LRRC74B: variants seen among roughly 807,000 people sequenced by gnomAD.
LRRC74B encodes leucine-rich repeat-containing protein 74B.
A neutral mutation model predicts 16.6 loss-of-function variants in LRRC74B; 30 were observed. The ratio of observed to expected loss-of-function variants is 1.80; its 90% CI spans 1.35 to 2.45. LRRC74B has a LOEUF of 2.45. LRRC74B is among the 30% of genes most tolerant of loss of function. The pLI, the probability that LRRC74B is intolerant of heterozygous loss-of-function variation, is 0.00. For missense variants in LRRC74B, 326 were observed against 202.4 expected (o/e 1.61, Z -3.71); for synonymous variants, 134 against 86.0 (o/e 1.56, Z -3.09).
At chr22:21,053,366 A>G (rs771679602) in exon 6 of LRRC74B, 140 of 716,676 alleles carry the variant, frequency 2.0e-4, no homozygotes, top group Middle Eastern at 2.3e-4. Flanking sequence ...CTAGGCAAAC[A>G]TCTTCCTTAA....
chr22:21,057,971 C>T (rs1281807716), intron 8 of LRRC74B, among the ~76,000 whole-genome samples: 1 of 151,260 alleles, frequency 6.6e-6, no homozygotes, highest in African/African-American at 2.4e-5. Context: ...CTGCAACTTC[C>T]GGCTCCCAGA....
At chr22:21,062,755 C>T (rs1930870807), downstream of LRRC74B, 1 of 148,540 alleles carries the variant, frequency 6.7e-6, no homozygotes, top group Non-Finnish European at 1.5e-5. Context: ...AGGCTCAGCG[C>T]ACTGGCACAT....
intron 8 of LRRC74B, among the ~76,000 whole-genome samples, chr22:21,058,922 C>T (rs1405280991): frequency 6.6e-6 from 1 of 152,154 alleles, no homozygotes; most frequent in Non-Finnish European, 1.5e-5. Flanking sequence ...AGATCCTGGA[C>T]AAGATTCTGA....
intron 1 of LRRC74B, among the ~76,000 whole-genome samples, chr22:21,047,093 G>GAA (rs57891306): frequency 1.5e-5 from 2 of 136,620 alleles, no homozygotes; most frequent in African/African-American, 5.3e-5. Flanking sequence ...AGTCTGTCTC[G>GAA]AAAAAAAAAA....
At position 21,056,901 on chromosome 22, in the gene LRRC74B, A is replaced by T. The variant is rs1930563646; in HGVS notation, c.928-204A>T. ...TGTCTTGTGTGTCTATATCAATCGG[A>T]GGCCTCTCCCTTCCTTTCTTCCCTG... On this transcript the variant is annotated intron_variant, in intron 7 of 8. Coordinates refer to ENST00000442047, the Ensembl canonical transcript of LRRC74B. 7.0e-6 allele frequency: 4 copies of T among 575,404 alleles called. No homozygotes were observed. The South Asian group carries it at 8.7e-5, about 12-fold the overall frequency. The allele number at this position is 575,404 out of a possible 1,614,324, so 35.6% of individuals were successfully genotyped here.
downstream of LRRC74B, among the ~76,000 whole-genome samples, chr22:21,061,144 A>G (rs1001016582): frequency 1.3e-5 from 2 of 152,190 alleles, no homozygotes; most frequent in Non-Finnish European, 2.9e-5. Flanking sequence ...CTTGACAAAC[A>G]TGGTGAAACC....
intron 4 of LRRC74B, among the ~76,000 whole-genome samples, chr22:21,050,932 C>T (rs190554338): frequency 1.1e-5 from 1 of 92,994 alleles, no homozygotes; most frequent in African/African-American, 4.3e-5. Flanking sequence ...GTGGTGACAA[C>T]AAATGATTAA....
intron 3 of LRRC74B, 41 bp from the exon 4 acceptor site, chr22:21,048,910 G>A (rs2148137182): frequency 1.4e-6 from 1 of 708,662 alleles, no homozygotes; most frequent in South Asian, 1.5e-5. Flanking sequence ...GGAGTGCCTG[G>A]CTTTGCATCC....
intron 4 of LRRC74B, among the ~76,000 whole-genome samples, chr22:21,050,274 A>G (rs1186391293): frequency 6.6e-6 from 1 of 151,732 alleles, no homozygotes; most frequent in Non-Finnish European, 1.5e-5. Context: ...TGACCTTGTG[A>G]TCCGCCCGCC....
At chr22:21,050,426 A>G (rs1929918851) in intron 4 of LRRC74B, among the ~76,000 whole-genome samples, 1 of 152,166 alleles carries the variant, frequency 6.6e-6, no homozygotes, top group Non-Finnish European at 1.5e-5. Flanking sequence ...TGCCTCTGGC[A>G]TATAACTGCC....
chr22:21,047,211 G>C, intron 1 of LRRC74B, 145 bp from the exon 2 acceptor site: 2 of 594,838 alleles, frequency 3.4e-6, no homozygotes, highest in Admixed American at 6.2e-5. Flanking sequence ...GTCCTCATCT[G>C]TCATATGGGA....
At chr22:21,047,551 C>T in intron 2 of LRRC74B, 53 bp downstream of exon 2, 1 of 705,854 alleles carries the variant, frequency 1.4e-6, no homozygotes, top group Non-Finnish European at 2.6e-6. Flanking sequence ...CCTCGGGAGA[C>T]AGCAGCCATG....
intron 4 of LRRC74B, among the ~76,000 whole-genome samples, chr22:21,051,259 C>T (rs1449027826): frequency 6.6e-6 from 1 of 152,188 alleles, no homozygotes; most frequent in Non-Finnish European, 1.5e-5. Flanking sequence ...TCTGCAGGCG[C>T]TTTCTTGTGT....
At chr22:21,049,850 C>T (rs895924694) in intron 4 of LRRC74B, among the ~76,000 whole-genome samples, 13 of 152,048 alleles carry the variant, frequency 8.5e-5, no homozygotes, top group African/African-American at 3.1e-4. Context: ...TGAGCATATT[C>T]AGGAGCTGTC....
chr22:21,062,079 A>C (rs1024417545), downstream of LRRC74B: 5 of 152,256 alleles, frequency 3.3e-5, no homozygotes, highest in Non-Finnish European at 5.9e-5. Context: ...ACTAGAAAAC[A>C]TGGCGCTAAG....
At chr22:21,060,468 G>T (rs1320162889) in exon 9 of LRRC74B, 2 of 716,682 alleles carry the variant, frequency 2.8e-6, no homozygotes, top group East Asian at 5.4e-5. Context: ...GCAGAGTGGA[G>T]TATAAAAAGG....
chr22:21,049,030 G>T, exon 4 of LRRC74B: 1 of 716,000 alleles, frequency 1.4e-6, no homozygotes, highest in Non-Finnish European at 2.6e-6. Flanking sequence ...ACCAGGCCAT[G>T]CGGAAGATGC....
At chr22:21,062,798 T>C (rs1930873568), downstream of LRRC74B, 4 of 149,778 alleles carry the variant, frequency 2.7e-5, no homozygotes, top group Non-Finnish European at 5.9e-5. Context: ...GAGGCCAAGA[T>C]GGGAGGATCA....
chr22:21,055,833 C>A (rs935369772), intron 7 of LRRC74B, among the ~76,000 whole-genome samples: 2 of 152,200 alleles, frequency 1.3e-5, no homozygotes, highest in African/African-American at 4.8e-5. Flanking sequence ...CATAGACCTG[C>A]GTTTCGAGTC....
Sources: gnomAD v4.1 joint callset for allele counts (sites outside exome capture counted in the v4.1 genomes callset) on GRCh38, gnomAD v4.1.1 for gene constraint, MANE v1.5 for transcripts, NCBI Gene and HGNC (gene_info 2026-07-23, HGNC 2026-07-21) for gene names.